The following TMEM266 variants were observed in gnomAD, a reference collection of about 807,000 sequenced individuals.
The protein encoded by TMEM266 is transmembrane protein 266, also known as Hv1 related protein 1.
TMEM266 carries 33 observed loss-of-function variants against 50.5 expected under a neutral mutation model. That is an observed-to-expected ratio of 0.65 (90% CI 0.50 to 0.87). The LOEUF is 0.87. TMEM266 is among the 40% of genes least tolerant of loss of function. The probability of loss-of-function intolerance (pLI) is 0.00; values close to 1 mark genes in which losing one functional copy is unlikely to be tolerated. For synonymous variants in TMEM266, 310 were observed against 292.3 expected, an observed-to-expected ratio of 1.06 and a Z score of -0.62; for missense variants, 655 against 695.1, an observed-to-expected ratio of 0.94 and a Z score of 0.65.
chr15:76,155,127 G>A (rs1188534968), intron 3 of TMEM266, among the ~76,000 whole-genome samples: 4 of 152,220 alleles, frequency 2.6e-5, no homozygotes, highest in African/African-American at 2.4e-5. Context: ...AGGCAGAGGC[G>A]GAGGCCACAG....
At chr15:76,202,332 C>G in intron 10 of TMEM266, 68 bp downstream of exon 10, 1 of 1,427,762 alleles carries the variant, frequency 7.0e-7, no homozygotes, top group Middle Eastern at 1.8e-4. Context: ...AGAGACAACT[C>G]GGCCTGGCTT....
chr15:76,145,937 A>G (rs2037748626), intron 3 of TMEM266, among the ~76,000 whole-genome samples: 1 of 152,150 alleles, frequency 6.6e-6, no homozygotes, highest in Non-Finnish European at 1.5e-5. Flanking sequence ...CATCCCACTC[A>G]ATGGTGGAAA....
rs1412232169 is a variant in TMEM266 at position 76,204,405 on chromosome 15, C to T, written c.*90C>T. On this transcript the variant is annotated 3_prime_UTR_variant, in exon 11 of 11. Coordinates refer to ENST00000388942, the MANE Select transcript of TMEM266 (RefSeq NM_152335.3). The stretch of plus-strand genomic sequence containing the variant: ...AGGCTGCCAAGGGCCACACGCGGGG[C>T]CCAGGAGCCCACCTGGCCTCCCTCA... 4.6e-6 allele frequency: 6 copies of T among 1,296,466 alleles called. No individual in the cohort carries two copies. Among genetic ancestry groups the T allele is most frequent in the Non-Finnish European group, 4.2e-6 (4 of 945,408 alleles). The allele number at this position is 1,296,466 out of a possible 1,614,324, so 80.3% of individuals were successfully genotyped here.
At position 76,168,217 on chromosome 15, in the gene TMEM266, G is replaced by A. The variant is rs940954946; in HGVS notation, c.457-1599G>A. Among the ~76,000 whole-genome samples the A allele has an allele frequency of 2.0e-5, 3 of 152,050 alleles. No individual in the cohort carries two copies. Among genetic ancestry groups the A allele is most frequent in the African/African-American group, 7.2e-5 (3 of 41,382 alleles). On this transcript the variant is annotated intron_variant, in intron 5 of 10. Transcript: ENST00000388942. The surrounding 1 kb of genome is among the most constrained non-coding windows in gnomAD (Gnocchi z 4.4). ...GCGTGGGGCCACCCACCCAGAGACCGGGAAGTTATAGCGGAGCGGACTTCG... is the reference window on the plus strand; with the variant it reads ...GCGTGGGGCCACCCACCCAGAGACCAGGAAGTTATAGCGGAGCGGACTTCG...
chr15:76,165,656 C>T (rs2038083770), intron 5 of TMEM266, among the ~76,000 whole-genome samples: 1 of 152,226 alleles, frequency 6.6e-6, no homozygotes, highest in African/African-American at 2.4e-5. Context: ...GGCAATCCCT[C>T]ATCGTCACCC....
intron 1 of TMEM266, among the ~76,000 whole-genome samples, chr15:76,070,140 G>A (rs1241510377): frequency 6.6e-6 from 1 of 152,130 alleles, no homozygotes. Context: ...AAGTCTAGAG[G>A]CAGAAATCCA....
At chr15:76,159,256 C>G (rs747337642) in intron 4 of TMEM266, among the ~76,000 whole-genome samples, 1 of 152,244 alleles carries the variant, frequency 6.6e-6, no homozygotes, top group African/African-American at 2.4e-5. Flanking sequence ...TGGGCCCCAG[C>G]ATCCTGCTTT....
chr15:76,156,548 A>C (rs1596140290), intron 3 of TMEM266, 56 bp from the exon 4 acceptor site: 1 of 1,586,818 alleles, frequency 6.3e-7, no homozygotes, highest in South Asian at 1.1e-5. Context: ...GCCGGGGTCC[A>C]CCCTCTTGTC....
At chr15:76,185,876 G>A (rs2038484480) in intron 8 of TMEM266, among the ~76,000 whole-genome samples, 1 of 152,148 alleles carries the variant, frequency 6.6e-6, no homozygotes, top group South Asian at 2.1e-4. Flanking sequence ...GCTCGTCATT[G>A]ACTTGGAATT....
At chr15:76,180,800 G>T (rs1366500937) in intron 8 of TMEM266, among the ~76,000 whole-genome samples, 1 of 151,660 alleles carries the variant, frequency 6.6e-6, no homozygotes, top group African/African-American at 2.4e-5. Context: ...TTTTAGTAGA[G>T]ACGGGGTTTC....
intron 1 of TMEM266, among the ~76,000 whole-genome samples, chr15:76,060,962 T>C (rs2036290175): frequency 6.6e-6 from 1 of 152,224 alleles, no homozygotes; most frequent in East Asian, 1.9e-4. Flanking sequence ...TGAAATTATA[T>C]GATTTGTTTA....
chr15:76,091,744 T>C (rs1284181595), intron 1 of TMEM266, among the ~76,000 whole-genome samples: 1 of 151,894 alleles, frequency 6.6e-6, no homozygotes, highest in African/African-American at 2.4e-5. Context: ...ATCCCAGCAC[T>C]TTGGGAAACT....
At chr15:76,083,215 G>T (rs951512624) in intron 1 of TMEM266, among the ~76,000 whole-genome samples, 3 of 150,812 alleles carry the variant, frequency 2.0e-5, no homozygotes, top group African/African-American at 4.9e-5. Context: ...ATGGGGAACC[G>T]TCAGGGGTGC....
chr15:76,144,799 AGGAGAAGG>A (rs958836561), intron 3 of TMEM266, among the ~76,000 whole-genome samples: 4 of 152,186 alleles, frequency 2.6e-5, no homozygotes, highest in African/African-American at 9.6e-5. Flanking sequence ...ACAGACACTC[AGGAGAAGG>A]GGAGAAGGGG....
chr15:76,064,267 G>A (rs2036367895), intron 1 of TMEM266, among the ~76,000 whole-genome samples: 1 of 152,168 alleles, frequency 6.6e-6, no homozygotes, highest in Admixed American at 6.5e-5. Context: ...TTAAATACCT[G>A]TTGGTGTCAT....
At chr15:76,151,064 C>G (rs2037835473) in intron 3 of TMEM266, among the ~76,000 whole-genome samples, 1 of 152,166 alleles carries the variant, frequency 6.6e-6, no homozygotes, top group African/African-American at 2.4e-5. Context: ...GCAGCCCAAG[C>G]CGGGCCCCTG....
At chr15:76,154,851 G>A (rs1213531327) in intron 3 of TMEM266, among the ~76,000 whole-genome samples, 1 of 152,206 alleles carries the variant, frequency 6.6e-6, no homozygotes, top group East Asian at 1.9e-4. Flanking sequence ...TTCCAATGGC[G>A]GGGGACTCCT....
chr15:76,133,270 C>CT (rs1454773038), intron 1 of TMEM266, among the ~76,000 whole-genome samples: 11 of 152,026 alleles, frequency 7.2e-5, no homozygotes, highest in African/African-American at 2.7e-4. Flanking sequence ...CCCGTCTCTA[C>CT]TAAAAATACA....
At chr15:76,154,459 G>T (rs980727904) in intron 3 of TMEM266, among the ~76,000 whole-genome samples, 1 of 152,056 alleles carries the variant, frequency 6.6e-6, no homozygotes, top group Non-Finnish European at 1.5e-5. Flanking sequence ...GATGTTCATT[G>T]ATGGCCTTCA....
Sources: allele counts gnomAD v4.1 joint callset (sites outside exome capture counted in the v4.1 genomes callset), GRCh38; gene constraint gnomAD v4.1.1; non-coding constraint Gnocchi (gnomAD v3.1); transcripts MANE v1.5; gene names NCBI Gene and HGNC (gene_info 2026-07-23, HGNC 2026-07-21).